Variants in FIRRM observed in about 807,000 individuals in gnomAD.
FIRRM encodes FIGNL1-interacting regulator of recombination and mitosis.
At chr1:169,799,049 A>G in the FIRRM span, 5 of 476,802 alleles carry the variant, frequency 1.0e-5, no homozygotes, top group African/African-American at 7.9e-5. Flanking sequence ...ACAGTTTTGT[A>G]TTCCCTTGAA....
At chr1:169,837,038 G>T in the FIRRM span, 5 of 1,613,584 alleles carry the variant, frequency 3.1e-6, no homozygotes, top group Non-Finnish European at 4.2e-6. Flanking sequence ...TGTCCATGAG[G>T]TCACCACAGT....
At chr1:169,818,389 C>T in the FIRRM span, among the ~76,000 whole-genome samples, 6 of 152,176 alleles carry the variant, frequency 3.9e-5, no homozygotes, top group Non-Finnish European at 8.8e-5. Context: ...GTCAAAGAAG[C>T]AGTTTATGAC....
At chr1:169,830,660 T>G in the FIRRM span, 1 of 1,577,624 alleles carries the variant, frequency 6.3e-7, no homozygotes, top group South Asian at 1.1e-5. Context: ...TCTGAGTAAT[T>G]GTATAAACAT....
At chr1:169,827,970 G>GACACACAT in the FIRRM span, 1 of 890,836 alleles carries the variant, frequency 1.1e-6, no homozygotes, top group Non-Finnish European at 1.7e-6. Flanking sequence ...TTATTGTGTA[G>GACACACAT]ACACACATAT....
the FIRRM span, among the ~76,000 whole-genome samples, chr1:169,835,990 CA>C: frequency 6.7e-6 from 1 of 150,260 alleles, no homozygotes; most frequent in African/African-American, 2.4e-5. Flanking sequence ...ATATTTTCCA[CA>C]AAAGAAATAA....
the FIRRM span, among the ~76,000 whole-genome samples, chr1:169,834,300 T>G: frequency 6.6e-6 from 1 of 152,178 alleles, no homozygotes; most frequent in Non-Finnish European, 1.5e-5. Context: ...GTTATTGTGA[T>G]AAAATTTAAG....
chr1:169,804,812 A>G, the FIRRM span, among the ~76,000 whole-genome samples: 1 of 152,084 alleles, frequency 6.6e-6, no homozygotes, highest in Non-Finnish European at 1.5e-5. Flanking sequence ...CCTCATGAGT[A>G]GCTGGGATTA....
At chr1:169,795,485 CCTT>C in the FIRRM span, 5 of 1,237,134 alleles carry the variant, frequency 4.0e-6, no homozygotes, top group Non-Finnish European at 5.1e-6. Flanking sequence ...TTCTTCCATT[CCTT>C]CTTTCAGTTT....
the FIRRM span, among the ~76,000 whole-genome samples, chr1:169,794,294 G>A: frequency 6.6e-6 from 1 of 152,166 alleles, no homozygotes; most frequent in Non-Finnish European, 1.5e-5. Flanking sequence ...TACAGAAGAG[G>A]TGCAGTATTT....
chr1:169,809,738 G>C, the FIRRM span, among the ~76,000 whole-genome samples: 1 of 152,084 alleles, frequency 6.6e-6, no homozygotes, highest in Non-Finnish European at 1.5e-5. Context: ...ACTGTCCATT[G>C]CCTGAAATGG....
the FIRRM span, chr1:169,795,129 T>C: frequency 2.6e-6 from 4 of 1,535,960 alleles, no homozygotes; most frequent in African/African-American, 4.1e-5. Context: ...CGGTCCCAGC[T>C]AGCGCGGTTC....
At chr1:169,803,532 C>T in the FIRRM span, among the ~76,000 whole-genome samples, 38 of 152,022 alleles carry the variant, frequency 2.5e-4, no homozygotes, top group African/African-American at 8.2e-4. Flanking sequence ...TCTTATTTCC[C>T]CTCTATAAAG....
the FIRRM span, among the ~76,000 whole-genome samples, chr1:169,846,485 A>G: frequency 6.6e-6 from 1 of 152,196 alleles, no homozygotes; most frequent in African/African-American, 2.4e-5. Flanking sequence ...CCTCTACATT[A>G]AAAATATATT....
At chr1:169,823,338 C>T in the FIRRM span, 2 of 854,160 alleles carry the variant, frequency 2.3e-6, no homozygotes, top group Non-Finnish European at 1.8e-6. Context: ...TTTTGCATAC[C>T]TTTGTGAGAT....
the FIRRM span, chr1:169,830,132 C>A: frequency 1.4e-6 from 1 of 703,036 alleles, no homozygotes; most frequent in East Asian, 2.8e-5. Flanking sequence ...GAAAGTAGAA[C>A]TCCCCCATTG....
At chr1:169,799,179 T>C in the FIRRM span, among the ~76,000 whole-genome samples, 2 of 152,234 alleles carry the variant, frequency 1.3e-5, no homozygotes, top group Non-Finnish European at 1.5e-5. Context: ...CCAAAGTGTT[T>C]TGTTGATGAT....
the FIRRM span, among the ~76,000 whole-genome samples, chr1:169,787,524 T>C: frequency 6.6e-6 from 1 of 152,176 alleles, no homozygotes; most frequent in African/African-American, 2.4e-5. Flanking sequence ...TTTCATCCAC[T>C]GACTCCTTGA....
chr1:169,814,338 T>C, the FIRRM span, among the ~76,000 whole-genome samples: 3 of 152,226 alleles, frequency 2.0e-5, no homozygotes, highest in African/African-American at 7.2e-5. Flanking sequence ...TGCATAAAAT[T>C]AACTGTGGTA....
the FIRRM span, among the ~76,000 whole-genome samples, chr1:169,792,176 T>A: frequency 1.3e-5 from 2 of 152,200 alleles, no homozygotes; most frequent in African/African-American, 2.4e-5. Context: ...CCTATTTACA[T>A]AAGGCCCCAA....
Sources: gnomAD v4.1 joint callset for allele counts (sites outside exome capture counted in the v4.1 genomes callset) on GRCh38, gnomAD v4.1.1 for gene constraint, MANE v1.5 for transcripts, NCBI Gene and HGNC (gene_info 2026-07-23, HGNC 2026-07-21) for gene names.